Variants in EPB41L4A observed in about 807,000 individuals in gnomAD.
The protein encoded by EPB41L4A is erythrocyte membrane protein band 4.1 like 4A.
A neutral mutation model predicts 108.6 loss-of-function variants in EPB41L4A; 100 were observed. That is an observed-to-expected ratio of 0.92 (90% confidence interval 0.78 to 1.09). The LOEUF (loss-of-function observed/expected upper bound fraction) is 1.09. Among genes scored for constraint, EPB41L4A ranks in the 50% least tolerant of loss-of-function variants. EPB41L4A has a pLI of 0.00. For missense variants in EPB41L4A, 1,030 were observed against 842.7 expected, an observed-to-expected ratio of 1.22 and a Z score of -2.75; for synonymous variants, 319 against 289.0, an observed-to-expected ratio of 1.10 and a Z score of -1.05.
At chr5:112,362,863 A>G (rs754335620) in intron 1 of EPB41L4A, among the ~76,000 whole-genome samples, 1 of 152,172 alleles carries the variant, frequency 6.6e-6, no homozygotes, top group Non-Finnish European at 1.5e-5. Context: ...ATGGCTTATG[A>G]TGTTTCCTAA....
chr5:112,150,259 CA>C (rs1408429493), intron 12 of EPB41L4A, among the ~76,000 whole-genome samples: 7 of 151,518 alleles, frequency 4.6e-5, no homozygotes, highest in Non-Finnish European at 4.4e-5. Context: ...AATTTCCAAA[CA>C]ACATCAGTTC....
At chr5:112,412,794 C>G (rs1762487113) in intron 1 of EPB41L4A, among the ~76,000 whole-genome samples, 1 of 152,166 alleles carries the variant, frequency 6.6e-6, no homozygotes, top group East Asian at 1.9e-4. Flanking sequence ...GAGGCAGGAG[C>G]CGTAGATGCA....
At chr5:112,194,990 T>C (rs1761890163) in intron 16 of EPB41L4A, among the ~76,000 whole-genome samples, 1 of 152,132 alleles carries the variant, frequency 6.6e-6, no homozygotes, top group Non-Finnish European at 1.5e-5. Flanking sequence ...CACAAAATCT[T>C]GTAACCCTCC....
In EPB41L4A at chr5:112,313,460, G is replaced by A. The variant is rs147235690; in HGVS notation, c.100-5970C>T. Among the ~76,000 whole-genome samples, 273 of 152,150 alleles carry A rather than the reference G, an allele frequency of 1.8e-3. 2 individuals carry two copies. Among genetic ancestry groups the A allele is most frequent in the African/African-American group, 6.1e-3 (252 of 41,508 alleles). On this transcript the variant is annotated intron_variant, in intron 1 of 22. Transcript: ENST00000261486. ...CAAAAACTTAGCTGGGCGTAGTGGC[G>A]CGCGCCTGTAATCCCAGCTTCTCAG... is the stretch of plus-strand genomic sequence containing the variant.
chr5:112,283,634 TA>T (rs1753098229), intron 2 of EPB41L4A, among the ~76,000 whole-genome samples: 2 of 152,312 alleles, frequency 1.3e-5, no homozygotes, highest in Admixed American at 1.3e-4. Context: ...AGGTAGACTC[TA>T]AAACTGGGAT....
At chr5:112,366,759 G>A (rs1273795145) in intron 1 of EPB41L4A, among the ~76,000 whole-genome samples, 1 of 152,176 alleles carries the variant, frequency 6.6e-6, no homozygotes, top group Middle Eastern at 3.4e-3. Context: ...ACAACCAGGG[G>A]GACAAATGAA....
At chr5:112,202,746 T>C (rs1410679714) in intron 15 of EPB41L4A, among the ~76,000 whole-genome samples, 1 of 152,006 alleles carries the variant, frequency 6.6e-6, no homozygotes, top group Non-Finnish European at 1.5e-5. Flanking sequence ...GGCAAAGCTC[T>C]GGGAAACTAG....
intron 2 of EPB41L4A, among the ~76,000 whole-genome samples, chr5:112,289,799 C>T (rs1270048336): frequency 6.6e-6 from 1 of 152,216 alleles, no homozygotes; most frequent in Admixed American, 6.5e-5. Flanking sequence ...AGCGGGCCCT[C>T]CCAAGCCCTG....
rs953985551 is a variant in EPB41L4A at position 112,316,083 on chromosome 5, G to A, written c.100-8593C>T. Reference sequence around the variant, plus strand: ...ATAGAGCTACAAAAGGCTTATAATCGTAGAGAAAGACTCACTAGTAGGACA... The same window carrying A: ...ATAGAGCTACAAAAGGCTTATAATCATAGAGAAAGACTCACTAGTAGGACA... On this transcript the variant is annotated intron_variant, in intron 1 of 22. Transcript: ENST00000261486. Among the ~76,000 whole-genome samples the A allele has an allele frequency of 9.2e-5, 14 of 152,134 alleles. No homozygotes were observed. In the East Asian group the frequency reaches 1.2e-3, roughly 13 times the overall value.
At chr5:112,380,075 G>A (rs1760064873) in intron 1 of EPB41L4A, among the ~76,000 whole-genome samples, 1 of 152,176 alleles carries the variant, frequency 6.6e-6, no homozygotes, top group African/African-American at 2.4e-5. Flanking sequence ...AGAAGTGCTA[G>A]GTCATCAGAT....
rs5870498 is a variant in EPB41L4A, at chr5:112,359,544, C to CTT, written c.100-52056_100-52055dup. ...TAGAAGAAATATCCTTGAAAGTCTTCTTTTTTTTTTTTTTGAGACGGAGTC... is the reference window on the plus strand; with the variant it reads ...TAGAAGAAATATCCTTGAAAGTCTTCTTTTTTTTTTTTTTTTGAGACGGAGTC... On this transcript the variant is annotated intron_variant, in intron 1 of 22. Coordinates refer to ENST00000261486, the MANE Select transcript of EPB41L4A (RefSeq NM_022140.5). 2.4e-3 allele frequency among the ~76,000 whole-genome samples: 347 copies of CTT among 146,424 alleles called. 3 individuals are homozygous for CTT. Among genetic ancestry groups the CTT allele is most frequent in the Admixed American group, 3.5e-3 (52 of 14,696 alleles).
At chr5:112,393,302 G>C (rs1204074991) in intron 1 of EPB41L4A, among the ~76,000 whole-genome samples, 1 of 152,130 alleles carries the variant, frequency 6.6e-6, no homozygotes, top group Non-Finnish European at 1.5e-5. Context: ...GAATCCAGGA[G>C]CTGGTTTTTT....
At position 112,260,621 on chromosome 5, in the gene EPB41L4A, A is replaced by G. The variant is rs150874578; in HGVS notation, c.643-642T>C. Among the ~76,000 whole-genome samples, 736 of 152,334 alleles carry G rather than the reference A, an allele frequency of 4.8e-3. 7 individuals are homozygous for G. Among genetic ancestry groups the G allele is most frequent in the African/African-American group, 0.016 (680 of 41,572 alleles). On this transcript the variant is annotated intron_variant, in intron 7 of 22. Coordinates refer to ENST00000261486, the MANE Select transcript of EPB41L4A (RefSeq NM_022140.5). ...TCTTCCTACTTCCACCTATAACTTTAAGAGTGCTCAAAAATGTAAAAGTAT... is the reference window on the plus strand; with the variant it reads ...TCTTCCTACTTCCACCTATAACTTTGAGAGTGCTCAAAAATGTAAAAGTAT...
intron 1 of EPB41L4A, 62 bp downstream of exon 1, chr5:112,418,879 G>A (rs1375124299): frequency 8.1e-6 from 11 of 1,363,050 alleles, no homozygotes; most frequent in Non-Finnish European, 1.1e-5. Flanking sequence ...AGCCCTCAAA[G>A]CGATGGACCC....
exon 14 of EPB41L4A, chr5:112,142,672 A>G (rs1759110371): frequency 6.6e-6 from 1 of 152,242 alleles, no homozygotes; most frequent in Non-Finnish European, 1.5e-5. Context: ...AGAAGTGTTG[A>G]AAGAGAATGA....
Position 112,198,785 on chromosome 5 carries a change from C to T in EPB41L4A, c.1377-3077G>A, listed in dbSNP as rs1247231945. On this transcript the variant is annotated intron_variant, in intron 15 of 22. Coordinates refer to ENST00000261486, the MANE Select transcript of EPB41L4A (RefSeq NM_022140.5). ...GCCACACTAATTTTAAGCCTAATAA[C>T]TCTTATTTATTAGTTCTTACCTTTG... Among the ~76,000 whole-genome samples, 3 of 152,112 alleles carry T rather than the reference C, an allele frequency of 2.0e-5. No homozygotes were observed. In the East Asian group the frequency reaches 5.8e-4, roughly 29 times the overall value.
intron 1 of EPB41L4A, among the ~76,000 whole-genome samples, chr5:112,310,659 T>C (rs1047819303): frequency 6.6e-6 from 1 of 152,226 alleles, no homozygotes; most frequent in African/African-American, 2.4e-5. Context: ...ATGTTTGTCC[T>C]TTCAGCTTTG....
chr5:112,158,854 G>A (rs1320647874), downstream of EPB41L4A, among the ~76,000 whole-genome samples: 1 of 151,576 alleles, frequency 6.6e-6, no homozygotes, highest in Non-Finnish European at 1.5e-5. Flanking sequence ...AATTCAAAAT[G>A]AGATTTGGGT....
At chr5:112,380,745 A>G (rs1160600683) in intron 1 of EPB41L4A, among the ~76,000 whole-genome samples, 1 of 151,978 alleles carries the variant, frequency 6.6e-6, no homozygotes, top group African/African-American at 2.4e-5. Flanking sequence ...ATGCTGTTAT[A>G]ACTTCAGTAC....
Sources: gnomAD v4.1 joint callset for allele counts (sites outside exome capture counted in the v4.1 genomes callset) on GRCh38, gnomAD v4.1.1 for gene constraint, MANE v1.5 for transcripts, NCBI Gene and HGNC (gene_info 2026-07-23, HGNC 2026-07-21) for gene names.